Variants in CNTNAP2 observed in about 807,000 individuals in gnomAD.
The protein encoded by CNTNAP2 is contactin-associated protein-like 2.
A neutral mutation model predicts 155.2 loss-of-function variants in CNTNAP2; 98 were observed. The observed-to-expected ratio is 0.63, with a 90% CI of 0.54 to 0.75. The LOEUF is 0.75. Ranked by LOEUF, CNTNAP2 falls within the 30% of genes least tolerant of loss-of-function variation. The pLI, the probability that CNTNAP2 is intolerant of heterozygous loss-of-function variation, is 0.00. For synonymous variants in CNTNAP2, 651 were observed against 631.2 expected (o/e 1.03, Z -0.47); for missense variants, 1,727 against 1,688.1 (o/e 1.02, Z -0.40).
intron 13 of CNTNAP2, among the ~76,000 whole-genome samples, chr7:147,675,118 C>G (rs1348259218): frequency 6.6e-6 from 1 of 152,022 alleles, no homozygotes; most frequent in Non-Finnish European, 1.5e-5. Context: ...GGGAAAAATC[C>G]TTCCCTGCCT....
chr7:146,127,880 TGAA>T (rs1797659163), intron 1 of CNTNAP2, among the ~76,000 whole-genome samples: 1 of 152,232 alleles, frequency 6.6e-6, no homozygotes, highest in African/African-American at 2.4e-5. Context: ...TTGATATTGT[TGAA>T]GTTGTTATGA....
At chr7:146,924,588 C>G (rs1796567851) in intron 3 of CNTNAP2, among the ~76,000 whole-genome samples, 1 of 151,796 alleles carries the variant, frequency 6.6e-6, no homozygotes, top group Admixed American at 6.6e-5. Context: ...TGAGGGCCAG[C>G]CACTATTACT....
At chr7:148,219,764 T>C (rs1369883631) in intron 19 of CNTNAP2, among the ~76,000 whole-genome samples, 1 of 152,052 alleles carries the variant, frequency 6.6e-6, no homozygotes, top group African/African-American at 2.4e-5. Context: ...AGCCCAGAAG[T>C]TGCTGGAGCC....
intron 14 of CNTNAP2, among the ~76,000 whole-genome samples, chr7:147,924,102 C>T (rs1800336474): frequency 6.6e-6 from 1 of 151,578 alleles, no homozygotes; most frequent in African/African-American, 2.4e-5. Flanking sequence ...TTCCCAAATG[C>T]TGGGCACCAC....
At chr7:146,578,082 G>T (rs1375009420) in intron 1 of CNTNAP2, among the ~76,000 whole-genome samples, 3 of 152,040 alleles carry the variant, frequency 2.0e-5, no homozygotes, top group Non-Finnish European at 4.4e-5. Flanking sequence ...TTAGTTATTT[G>T]TTCCTAATTT....
chr7:147,515,154 C>T (rs1239990492), intron 11 of CNTNAP2, among the ~76,000 whole-genome samples: 1 of 151,978 alleles, frequency 6.6e-6, no homozygotes, highest in Non-Finnish European at 1.5e-5. Context: ...TGCTGTTCTT[C>T]CAACTTACCT....
At chr7:147,796,252 A>C (rs1455058703) in intron 13 of CNTNAP2, among the ~76,000 whole-genome samples, 1 of 152,200 alleles carries the variant, frequency 6.6e-6, no homozygotes, top group Non-Finnish European at 1.5e-5. Context: ...TACAGTGTGC[A>C]TACCTCTCAA....
At chr7:146,664,155 T>TC (rs1800144604) in intron 1 of CNTNAP2, among the ~76,000 whole-genome samples, 1 of 128,930 alleles carries the variant, frequency 7.8e-6, no homozygotes, top group Non-Finnish European at 1.6e-5. Context: ...TACAATAAAT[T>TC]CCTTTTTTTT....
At chr7:147,508,511 C>T (rs1002615728) in intron 11 of CNTNAP2, among the ~76,000 whole-genome samples, 2 of 152,186 alleles carry the variant, frequency 1.3e-5, no homozygotes, top group Non-Finnish European at 2.9e-5. Flanking sequence ...TAAGGGCCTT[C>T]AGTTTATCCT....
chr7:147,737,023 A>G (rs1796861948), intron 13 of CNTNAP2, among the ~76,000 whole-genome samples: 1 of 152,148 alleles, frequency 6.6e-6, no homozygotes, highest in African/African-American at 2.4e-5. Context: ...CTCTCAACTC[A>G]TCAAAGTCAT....
At chr7:147,366,097 A>G (rs1796224947) in intron 9 of CNTNAP2, among the ~76,000 whole-genome samples, 1 of 152,204 alleles carries the variant, frequency 6.6e-6, no homozygotes, top group Non-Finnish European at 1.5e-5. Flanking sequence ...CACAGTCATT[A>G]TTTTAGATGC....
chr7:148,266,914 A>T, intron 20 of CNTNAP2, 119 bp from the exon 21 acceptor site: 1 of 915,600 alleles, frequency 1.1e-6, no homozygotes. Context: ...GTCAGTGCTG[A>T]TGAAATAAGA....
intron 3 of CNTNAP2, among the ~76,000 whole-genome samples, chr7:147,021,673 T>C (rs2129246716): frequency 6.6e-6 from 1 of 152,300 alleles, no homozygotes; most frequent in African/African-American, 2.4e-5. Context: ...TTAATTCACT[T>C]TGGAACTTCA....
intron 11 of CNTNAP2, among the ~76,000 whole-genome samples, chr7:147,548,504 T>C (rs1186966394): frequency 6.6e-6 from 1 of 152,188 alleles, no homozygotes; most frequent in African/African-American, 2.4e-5. Flanking sequence ...TTCTGGATAT[T>C]AGACCTTTGT....
chr7:146,349,577 A>G (rs1794881008), intron 1 of CNTNAP2, among the ~76,000 whole-genome samples: 1 of 151,974 alleles, frequency 6.6e-6, no homozygotes, highest in African/African-American at 2.4e-5. Context: ...TGGTCTTTAC[A>G]TTTTGGCATG....
chr7:147,457,409 C>G (rs1797934954), intron 10 of CNTNAP2, among the ~76,000 whole-genome samples: 3 of 152,150 alleles, frequency 2.0e-5, no homozygotes, highest in Admixed American at 2.0e-4. Flanking sequence ...CATCGCTGAT[C>G]ACTTGGTCAA....
At chr7:147,473,190 T>C (rs1210329331) in intron 10 of CNTNAP2, among the ~76,000 whole-genome samples, 1 of 152,216 alleles carries the variant, frequency 6.6e-6, no homozygotes, top group Non-Finnish European at 1.5e-5. Context: ...GTTAAGAGCT[T>C]GCTTCAGTGA....
chr7:148,389,138 A>G (rs1170860665), intron 22 of CNTNAP2, among the ~76,000 whole-genome samples: 3 of 152,148 alleles, frequency 2.0e-5, no homozygotes, highest in South Asian at 2.1e-4. Context: ...AGCTGTTCCT[A>G]TTCAGCCATC....
chr7:146,909,150 G>A (rs1478189349), intron 3 of CNTNAP2, among the ~76,000 whole-genome samples: 5 of 152,022 alleles, frequency 3.3e-5, no homozygotes, highest in Non-Finnish European at 5.9e-5. Flanking sequence ...CTGAAATTGT[G>A]GCAATAATCA....
Sources: allele counts gnomAD v4.1 joint callset (sites outside exome capture counted in the v4.1 genomes callset), GRCh38; gene constraint gnomAD v4.1.1; transcripts MANE v1.5; gene names NCBI Gene and HGNC (gene_info 2026-07-23, HGNC 2026-07-21).